The following STK33 variants were observed in gnomAD, a reference collection of about 807,000 sequenced individuals.
The protein encoded by STK33 is serine/threonine kinase 33.
STK33 carries 52 observed loss-of-function variants against 58.0 expected under a neutral mutation model. That is an observed-to-expected ratio of 0.90 (90% confidence interval 0.72 to 1.13). The LOEUF (loss-of-function observed/expected upper bound fraction) is 1.13, where lower values mean the gene tolerates loss of function less well. STK33 is among the 50% of genes most tolerant of loss of function. The pLI, the probability that STK33 is intolerant of heterozygous loss-of-function variation, is 0.00. For synonymous variants in STK33, 215 were observed against 200.1 expected (o/e 1.07, Z -0.63); for missense variants, 630 against 604.2 (o/e 1.04, Z -0.45).
downstream of STK33, among the ~76,000 whole-genome samples, chr11:8,388,333 A>C (rs1848572579): frequency 6.6e-6 from 1 of 152,254 alleles, no homozygotes; most frequent in Admixed American, 6.5e-5. Flanking sequence ...AGCTGATTAT[A>C]GCAGGGACTG....
chr11:8,342,971 G>A, the STK33 span, among the ~76,000 whole-genome samples: 1 of 152,204 alleles, frequency 6.6e-6, no homozygotes, highest in Non-Finnish European at 1.5e-5. Context: ...TTTTGGTGGG[G>A]GCACTGAGGC....
At chr11:8,523,592 T>C (rs1454812671) in intron 1 of STK33, among the ~76,000 whole-genome samples, 3 of 151,464 alleles carry the variant, frequency 2.0e-5, no homozygotes, top group Admixed American at 2.0e-4. Flanking sequence ...AGAGCCCCTC[T>C]GCCCGGCAGC....
chr11:8,480,928 A>G (rs761212765), intron 1 of STK33, among the ~76,000 whole-genome samples: 2 of 152,228 alleles, frequency 1.3e-5, no homozygotes, highest in African/African-American at 4.8e-5. Flanking sequence ...GAAGTCTGCT[A>G]GCTTTGACTA....
chr11:8,542,528 C>G (rs1455442299), intron 1 of STK33, among the ~76,000 whole-genome samples: 2 of 152,076 alleles, frequency 1.3e-5, no homozygotes, highest in Non-Finnish European at 2.9e-5. Flanking sequence ...GGGTAAGAAA[C>G]CAAGGATGCT....
intron 1 of STK33, among the ~76,000 whole-genome samples, chr11:8,559,050 G>A (rs927640078): frequency 1.3e-5 from 2 of 152,124 alleles, no homozygotes; most frequent in African/African-American, 4.8e-5. Context: ...TAATTCACAT[G>A]GCCAAACCCT....
At chr11:8,381,468 G>A in the STK33 span, among the ~76,000 whole-genome samples, 1 of 152,158 alleles carries the variant, frequency 6.6e-6, no homozygotes, top group Non-Finnish European at 1.5e-5. Context: ...TGCTGGGGCT[G>A]TGAGTGACTA....
At chr11:8,419,191 C>A (rs1941562977) in intron 14 of STK33, among the ~76,000 whole-genome samples, 1 of 152,264 alleles carries the variant, frequency 6.6e-6, no homozygotes, top group Admixed American at 6.5e-5. Flanking sequence ...CCTAGATTGT[C>A]TTCCAGAGTT....
At chr11:8,413,745 G>T in intron 14 of STK33, 53 bp from the exon 15 acceptor site, 1 of 1,477,308 alleles carries the variant, frequency 6.8e-7, no homozygotes, top group Non-Finnish European at 9.4e-7. Flanking sequence ...GAATTGAGAC[G>T]ATACCTACAT....
At chr11:8,354,625 A>T in the STK33 span, among the ~76,000 whole-genome samples, 1 of 152,144 alleles carries the variant, frequency 6.6e-6, no homozygotes, top group Non-Finnish European at 1.5e-5. Context: ...ATCCAGGTAC[A>T]CTTCCACCCA....
the STK33 span, among the ~76,000 whole-genome samples, chr11:8,357,709 G>A: frequency 6.6e-6 from 1 of 152,106 alleles, no homozygotes; most frequent in Non-Finnish European, 1.5e-5. Flanking sequence ...GGAAGAAGAG[G>A]AGGCCCACAG....
At chr11:8,574,949 G>A (rs1489232915) in intron 1 of STK33, among the ~76,000 whole-genome samples, 1 of 152,074 alleles carries the variant, frequency 6.6e-6, no homozygotes. Context: ...GGAGGCTGAG[G>A]CAGGAGGATC....
chr11:8,373,484 C>T, the STK33 span, among the ~76,000 whole-genome samples: 17 of 152,184 alleles, frequency 1.1e-4, no homozygotes, highest in Admixed American at 5.2e-4. Flanking sequence ...GCGAGGAAGA[C>T]GATGAGGGTG....
intron 11 of STK33, among the ~76,000 whole-genome samples, chr11:8,450,421 G>T (rs943759364): frequency 6.6e-6 from 1 of 152,106 alleles, no homozygotes. Context: ...TTGGGAGCTA[G>T]GGGAGGGATA....
chr11:8,505,979 T>G (rs1255956359), intron 1 of STK33, among the ~76,000 whole-genome samples: 1 of 152,176 alleles, frequency 6.6e-6, no homozygotes, highest in South Asian at 2.1e-4. Flanking sequence ...GAGGATTAAA[T>G]GGGATGATTT....
At chr11:8,530,144 C>T (rs1954405644) in intron 1 of STK33, among the ~76,000 whole-genome samples, 1 of 151,910 alleles carries the variant, frequency 6.6e-6, no homozygotes, top group East Asian at 1.9e-4. Flanking sequence ...GTCCTGAAAT[C>T]GAATAAGAAT....
chr11:8,424,301 CT>C (rs1199183633), intron 14 of STK33, among the ~76,000 whole-genome samples: 4 of 143,036 alleles, frequency 2.8e-5, no homozygotes, highest in Non-Finnish European at 6.2e-5. Context: ...ATCCATGTCC[CT>C]ACAAAGGACA....
At chr11:8,436,661 G>C (rs1283077225) in intron 12 of STK33, among the ~76,000 whole-genome samples, 1 of 152,152 alleles carries the variant, frequency 6.6e-6, no homozygotes, top group Non-Finnish European at 1.5e-5. Context: ...ACAAATGTTA[G>C]TAATAACAAA....
At chr11:8,455,810 CAAAAA>C (rs1156835375) in intron 9 of STK33, among the ~76,000 whole-genome samples, 14 of 47,118 alleles carry the variant, frequency 3.0e-4, no homozygotes, top group Non-Finnish European at 5.0e-4. Flanking sequence ...GACTCTGTCT[CAAAAA>C]AAAAAAAAAA....
chr11:8,579,794 A>T (rs918656574), intron 1 of STK33, among the ~76,000 whole-genome samples: 20 of 152,174 alleles, frequency 1.3e-4, no homozygotes, highest in Non-Finnish European at 1.6e-4. Flanking sequence ...TCTGATTTTT[A>T]AAATGGGCAA....
Sources: allele counts gnomAD v4.1 joint callset (sites outside exome capture counted in the v4.1 genomes callset), GRCh38; gene constraint gnomAD v4.1.1; transcripts MANE v1.5; gene names NCBI Gene and HGNC (gene_info 2026-07-23, HGNC 2026-07-21).